Variants in DISP3 observed in about 807,000 individuals in gnomAD.
The protein encoded by DISP3 is dispatched RND transporter family member 3, also known as protein dispatched homolog 3.
DISP3 carries 101 observed loss-of-function variants against 135.3 expected under a neutral mutation model. The ratio of observed to expected loss-of-function variants is 0.75; its 90% CI spans 0.64 to 0.88. The LOEUF is 0.88. Among genes scored for constraint, DISP3 ranks in the 40% least tolerant of loss-of-function variants. The probability of loss-of-function intolerance (pLI) is 0.00; values close to 1 mark genes in which losing one functional copy is unlikely to be tolerated. For synonymous variants in DISP3, 856 were observed against 817.0 expected, an observed-to-expected ratio of 1.05 and a Z score of -0.81; for missense variants, 1,713 against 1,878.6, an observed-to-expected ratio of 0.91 and a Z score of 1.63.
intron 1 of DISP3, among the ~76,000 whole-genome samples, chr1:11,492,042 A>G: frequency 6.9e-6 from 1 of 145,272 alleles, no homozygotes; most frequent in Non-Finnish European, 1.5e-5. Context: ...GAATGGCGTG[A>G]ACCCGGGAGG....
At chr1:11,514,723 C>A (rs1035835409) in intron 4 of DISP3, among the ~76,000 whole-genome samples, 197 bp downstream of exon 4, 5 of 152,228 alleles carry the variant, frequency 3.3e-5, no homozygotes, top group Non-Finnish European at 5.9e-5. Flanking sequence ...CTGTACCAGC[C>A]CGGGTCACAC....
At chr1:11,503,286 G>A (rs1343912463) in intron 3 of DISP3, among the ~76,000 whole-genome samples, 1 of 152,218 alleles carries the variant, frequency 6.6e-6, no homozygotes, top group Non-Finnish European at 1.5e-5. Flanking sequence ...GATAGAGAGA[G>A]GGATATGTGA....
intron 1 of DISP3, among the ~76,000 whole-genome samples, chr1:11,487,036 A>T (rs189320439): frequency 1.5e-4 from 23 of 152,344 alleles, no homozygotes; most frequent in Admixed American, 1.4e-3. Context: ...CAATAAGTGA[A>T]TGAAGTTAGA....
chr1:11,531,562 C>T lies in DISP3; in HGVS notation c.3230-3C>T. 1 of 1,613,380 alleles carries T rather than the reference C, an allele frequency of 6.2e-7. No individual in the cohort carries two copies. Among genetic ancestry groups the T allele is most frequent in the Non-Finnish European group, 8.5e-7 (1 of 1,179,964 alleles). Reference sequence around the variant, plus strand: ...GCACTCCCTTTCTTGCCTCTCCCCGCAGGCTACAGCATCTCCTCCTTCCTG... The same window carrying T: ...GCACTCCCTTTCTTGCCTCTCCCCGTAGGCTACAGCATCTCCTCCTTCCTG... On this transcript the variant is annotated splice_polypyrimidine_tract_variant and splice_region_variant and intron_variant, in intron 16 of 20. Transcript: ENST00000294484. This position sits in a 1 kb window ranked among gnomAD's most constrained non-coding sequence, Gnocchi z 5.2.
At chr1:11,526,899 CT>C in intron 13 of DISP3, 64 bp downstream of exon 13, 1 of 1,517,262 alleles carries the variant, frequency 6.6e-7, no homozygotes, top group Non-Finnish European at 8.9e-7. Context: ...CCTTTTCTCT[CT>C]TTTCTCTCTC....
rs116220680 is a variant in DISP3 at position 11,479,198 on chromosome 1, G to T, written c.-178G>T. The T allele has an allele frequency of 0.014, 2,298 of 159,602 alleles. 57 individuals are homozygous for T. The highest frequency in any genetic ancestry group is 0.052 in the African/African-American group (2,166 of 41,574). 9.9% of individuals were successfully genotyped at this position (159,602 alleles called of 1,614,324 possible). A position where few individuals can be genotyped will look rare whatever the true frequency, so the allele number is the denominator to read the frequency against. ...TGGGATTCGCGCGCAGCTTCCCGCG[G>T]TCTGCTTGCCCTGGAGCGGAGGGGG... is the stretch of plus-strand genomic sequence containing the variant. On this transcript the variant is annotated 5_prime_UTR_variant, in exon 1 of 21. Coordinates refer to ENST00000294484, the MANE Select transcript of DISP3 (RefSeq NM_020780.2).
chr1:11,523,058 C>T (rs967520954), intron 10 of DISP3, among the ~76,000 whole-genome samples: 1 of 152,224 alleles, frequency 6.6e-6, no homozygotes, highest in African/African-American at 2.4e-5. Context: ...CTTCAGAGTA[C>T]AGCAGAGTGC....
rs774219282 is a variant in DISP3 at position 11,531,757 on chromosome 1, G to A, written c.3375+47G>A. 20 of 1,549,036 alleles carry A rather than the reference G, an allele frequency of 1.3e-5. No homozygotes were observed. The South Asian group carries it at 2.1e-4, about 16-fold the overall frequency. On this transcript the variant is annotated intron_variant, in intron 17 of 20. Transcript: ENST00000294484. This position sits in a 1 kb window ranked among gnomAD's most constrained non-coding sequence, Gnocchi z 5.2. ...GGGTGCCATGCTGCGTACTTGCCCGGGGTGTGCCACCTCTGATCCCAGCCC... is the reference window on the plus strand; with the variant it reads ...GGGTGCCATGCTGCGTACTTGCCCGAGGTGTGCCACCTCTGATCCCAGCCC...
chr1:11,522,845 C>A (rs374988398), intron 10 of DISP3, among the ~76,000 whole-genome samples: 2 of 129,852 alleles, frequency 1.5e-5, no homozygotes, highest in Admixed American at 7.8e-5. Context: ...AGGACCCAGC[C>A]AGAGCCCAGC....
chr1:11,484,254 G>C (rs1640977312), intron 1 of DISP3, among the ~76,000 whole-genome samples: 1 of 152,216 alleles, frequency 6.6e-6, no homozygotes, highest in African/African-American at 2.4e-5. Context: ...AGGCTAGAGA[G>C]GTCAAGTCAC....
At chr1:11,535,186 G>T (rs1354571835) in intron 19 of DISP3, 62 bp downstream of exon 19, 3 of 1,456,520 alleles carry the variant, frequency 2.1e-6, no homozygotes, top group Non-Finnish European at 1.9e-6. Context: ...CAGTCTCCCC[G>T]GTGGCCCCAG....
At chr1:11,511,115 C>G (rs1481584058) in intron 3 of DISP3, among the ~76,000 whole-genome samples, 1 of 152,198 alleles carries the variant, frequency 6.6e-6, no homozygotes, top group Non-Finnish European at 1.5e-5. Context: ...CTGGGAGATG[C>G]AATTCAAGTT....
chr1:11,536,791 GGGCGCCCT>G lies in DISP3; in HGVS notation c.*107_*114del. On this transcript the variant is annotated 3_prime_UTR_variant, in exon 21 of 21. Coordinates refer to ENST00000294484, the MANE Select transcript of DISP3 (RefSeq NM_020780.2). This position sits in a 1 kb window ranked among gnomAD's most constrained non-coding sequence, Gnocchi z 4.3. ...AGCTGTGTCCCCAGGCCTGGGCCCA[GGGCGCCCT>G]GCGGGCCAGCGTGGAGGCTGACACC... 7.2e-7 allele frequency: 1 copy of G among 1,397,852 alleles called. No individual in the cohort carries two copies. The highest frequency in any genetic ancestry group is 9.4e-7 in the Non-Finnish European group (1 of 1,065,692). 86.6% of individuals were successfully genotyped at this position (1,397,852 alleles called of 1,614,324 possible). A position where few individuals can be genotyped will look rare whatever the true frequency, so the allele number is the denominator to read the frequency against.
chr1:11,533,840 T>G (rs1319324607), intron 17 of DISP3: 1 of 717,836 alleles, frequency 1.4e-6, no homozygotes, highest in East Asian at 2.7e-5. Context: ...GAGTGCCTAT[T>G]TCTCTCATTC....
At chr1:11,481,036 G>GTT (rs1252246912) in intron 1 of DISP3, among the ~76,000 whole-genome samples, 6 of 126,510 alleles carry the variant, frequency 4.7e-5, no homozygotes, top group African/African-American at 2.1e-4. Flanking sequence ...CCTCCCCCAG[G>GTT]TTTCTCTCTC....
At position 11,535,627 on chromosome 1, in the gene DISP3, C is replaced by T. The variant is rs1570155735; in HGVS notation, c.3799C>T (p.Pro1267Ser). ...CTACCTGCTGGCTGGAGAGAACCTG[C>T]CCCCCCACCAGGCCGAGGTGCGCAC... ...EGYLLAGENL[P>S]PHQAEDARTQ... The change falls in exon 20 of 21, where the codon CCC becomes TCC. Residue 1267 changes from proline to serine, a missense_variant. Physicochemically the swap from Pro to Ser is moderately conservative, Grantham distance 74. Around this residue, in one of 2 missense-constraint regions of DISP3, gnomAD observed 1,142 missense variants for 1,384.6 expected, o/e 0.82. Transcript: ENST00000294484. The T allele has an allele frequency of 9.3e-6, 15 of 1,611,842 alleles. No individual in the cohort carries two copies. Among genetic ancestry groups the T allele is most frequent in the Non-Finnish European group, 1.3e-5 (15 of 1,179,520 alleles).
intron 10 of DISP3, among the ~76,000 whole-genome samples, chr1:11,522,604 AGAGCCCAGCCAGGACCCAGCC>A (rs1642239605): frequency 3.4e-5 from 4 of 118,698 alleles, no homozygotes; most frequent in Non-Finnish European, 3.8e-5. Context: ...GGACCCAGCC[AGAGCCCAGCCAGGACCCAGCC>A]AGAGCCCAGC....
At position 11,501,949 on chromosome 1, in the gene DISP3, C is replaced by A. The variant is rs768056698; in HGVS notation, c.957C>A (p.His319Gln). The A allele has an allele frequency of 6.2e-7, 1 of 1,613,834 alleles. No individual in the cohort carries two copies. Among genetic ancestry groups the A allele is most frequent in the East Asian group, 2.2e-5 (1 of 44,872 alleles). Residue 319 changes from histidine to glutamine, a missense_variant, in exon 2 of 21, where the codon CAC becomes CAA. Physicochemically the swap from His to Gln is conservative, Grantham distance 24. Coordinates refer to ENST00000294484, the MANE Select transcript of DISP3 (RefSeq NM_020780.2). The surrounding 1 kb of genome is among the most constrained non-coding windows in gnomAD (Gnocchi z 4.9). ...PGFREFCWKPHEVLKDLPLGS... is the reference protein window; with the variant it reads ...PGFREFCWKPQEVLKDLPLGS... ...TCCGGGAGTTCTGCTGGAAGCCCCA[C>A]GAGGTGCTCAAGGATCTGCCGCTGG...
At chr1:11,530,862 C>A (rs2244397) in intron 15 of DISP3, 45 bp from the exon 16 acceptor site, 236,494 of 1,608,096 alleles carry the variant, frequency 0.15, 19,888 homozygotes, top group East Asian at 0.43. Flanking sequence ...ACTGAGTCCC[C>A]GTCTCACTGA....
Sources: gnomAD v4.1 joint callset for allele counts (sites outside exome capture counted in the v4.1 genomes callset) on GRCh38, gnomAD v4.1.1 for gene constraint, gnomAD v4.1.1 regional missense constraint, Gnocchi (gnomAD v3.1) non-coding constraint, MANE v1.5 for transcripts, NCBI Gene and HGNC (gene_info 2026-07-23, HGNC 2026-07-21) for gene names.